The following ENPP1 variants were observed in gnomAD, a reference collection of about 807,000 sequenced individuals.
ENPP1 encodes ectonucleotide pyrophosphatase/phosphodiesterase 1.
A neutral mutation model predicts 122.8 loss-of-function variants in ENPP1; 73 were observed. The observed-to-expected ratio is 0.59, with a 90% CI of 0.49 to 0.72. The LOEUF is 0.72. Ranked by LOEUF, ENPP1 falls within the 30% of genes least tolerant of loss-of-function variation. The probability of loss-of-function intolerance (pLI) is 0.00; values close to 1 mark genes in which losing one functional copy is unlikely to be tolerated. For synonymous variants in ENPP1, 367 were observed against 391.6 expected (o/e 0.94, Z 0.74); for missense variants, 978 against 1,128.1 (o/e 0.87, Z 1.91).
chr6:131,810,767 A>G (rs1781340320), intron 1 of ENPP1, among the ~76,000 whole-genome samples: 1 of 152,302 alleles, frequency 6.6e-6, no homozygotes, highest in South Asian at 2.1e-4. Flanking sequence ...TGCAGTGGCA[A>G]TGTAATTTTT....
chr6:131,831,928 A>G (rs1581827), intron 1 of ENPP1, among the ~76,000 whole-genome samples: 2,443 of 152,168 alleles, frequency 0.016, 70 homozygotes, highest in African/African-American at 0.055. Context: ...TCTGAATTGG[A>G]AATTTGTTCT....
intron 1 of ENPP1, among the ~76,000 whole-genome samples, chr6:131,810,522 C>G (rs876507): frequency 0.013 from 1,703 of 131,370 alleles, 25 homozygotes; most frequent in African/African-American, 0.045. Context: ...TGACAATTGT[C>G]GTCAAAGAGC....
chr6:131,883,844 A>AC, intron 22 of ENPP1, 70 bp downstream of exon 22: 1 of 803,532 alleles, frequency 1.2e-6, no homozygotes, highest in Non-Finnish European at 2.2e-6. Flanking sequence ...ATTCATATGT[A>AC]ATAGGACTTA....
intron 5 of ENPP1, among the ~76,000 whole-genome samples, chr6:131,852,626 A>G (rs1382062748): frequency 6.6e-6 from 1 of 152,188 alleles, no homozygotes; most frequent in Non-Finnish European, 1.5e-5. Context: ...ATGATTATGG[A>G]GTTATCCCTA....
chr6:131,829,086 G>A (rs1300360488), intron 1 of ENPP1, among the ~76,000 whole-genome samples: 2 of 152,166 alleles, frequency 1.3e-5, no homozygotes, highest in East Asian at 3.9e-4. Flanking sequence ...ATCTGCATAG[G>A]CAAGATTCTT....
At chr6:131,820,933 T>C (rs1431618154) in intron 1 of ENPP1, among the ~76,000 whole-genome samples, 1 of 152,200 alleles carries the variant, frequency 6.6e-6, no homozygotes, top group African/African-American at 2.4e-5. Context: ...TATTAGAGTG[T>C]GTTAGGAGAA....
intron 14 of ENPP1, among the ~76,000 whole-genome samples, chr6:131,872,537 C>G (rs1367822688): frequency 6.6e-6 from 1 of 152,088 alleles, no homozygotes; most frequent in Non-Finnish European, 1.5e-5. Context: ...TGCAAGAAAA[C>G]TCTTACAATT....
At chr6:131,860,560 CA>C in intron 8 of ENPP1, 54 bp downstream of exon 8, 1 of 1,377,138 alleles carries the variant, frequency 7.3e-7, no homozygotes, top group Non-Finnish European at 1.0e-6. Flanking sequence ...CTATTTCAAT[CA>C]GAGTAAAATA....
chr6:131,845,163 G>A (rs566113837), intron 1 of ENPP1, among the ~76,000 whole-genome samples: 1 of 141,480 alleles, frequency 7.1e-6, no homozygotes, highest in Non-Finnish European at 1.5e-5. Context: ...CTCCCAAGTA[G>A]CTGGGATTAC....
At chr6:131,882,099 CA>C (rs1782318692) in intron 20 of ENPP1, among the ~76,000 whole-genome samples, 1 of 150,750 alleles carries the variant, frequency 6.6e-6, no homozygotes, top group Non-Finnish European at 1.5e-5. Flanking sequence ...AACATTATTT[CA>C]TATTAGCATA....
intron 1 of ENPP1, among the ~76,000 whole-genome samples, chr6:131,840,921 G>A (rs550382814): frequency 6.6e-6 from 1 of 152,264 alleles, no homozygotes; most frequent in African/African-American, 2.4e-5. Context: ...GAGATTGTGA[G>A]ATTTGTCCCT....
chr6:131,824,468 TG>T (rs1200762895), intron 1 of ENPP1, among the ~76,000 whole-genome samples: 1 of 92,722 alleles, frequency 1.1e-5, no homozygotes, highest in East Asian at 4.0e-4. Flanking sequence ...TTGTTGTTGT[TG>T]TTTGAGACGG....
Position 131,891,848 on chromosome 6 carries a change from ATTC to A in ENPP1, c.*1342_*1344del, listed in dbSNP as rs1301004454. 1 of 112,828 alleles carries A rather than the reference ATTC, an allele frequency of 8.9e-6. No individual in the cohort carries two copies. The highest frequency in any genetic ancestry group is 2.6e-4 in the East Asian group (1 of 3,822). 7.0% of individuals were successfully genotyped at this position (112,828 alleles called of 1,614,324 possible). A position where few individuals can be genotyped will look rare whatever the true frequency, so the allele number is the denominator to read the frequency against. On this transcript the variant is annotated 3_prime_UTR_variant, in exon 25 of 25. Coordinates refer to ENST00000647893, the MANE Select transcript of ENPP1 (RefSeq NM_006208.3). ...TCTGTTGTTCAGATTAGGTAATTTT[ATTC>A]TTCTGTCTCGAAGCTCACTGATTCT... is the stretch of plus-strand genomic sequence containing the variant.
intron 1 of ENPP1, among the ~76,000 whole-genome samples, chr6:131,846,727 G>C (rs1470905999): frequency 6.6e-6 from 1 of 152,038 alleles, no homozygotes; most frequent in Non-Finnish European, 1.5e-5. Context: ...GCGCATCATT[G>C]GTACTCAATT....
At chr6:131,808,786 C>G (rs892035870) in intron 1 of ENPP1, among the ~76,000 whole-genome samples, 1 of 152,156 alleles carries the variant, frequency 6.6e-6, no homozygotes, top group Non-Finnish European at 1.5e-5. Flanking sequence ...TTGGAATTTC[C>G]TTGCAGGTGC....
chr6:131,853,238 A>G (rs1713628355), intron 5 of ENPP1, among the ~76,000 whole-genome samples: 1 of 152,172 alleles, frequency 6.6e-6, no homozygotes, highest in African/African-American at 2.4e-5. Flanking sequence ...CTAAACCTCA[A>G]CCAAATAATT....
intron 1 of ENPP1, chr6:131,826,435 C>T: frequency 2.2e-6 from 2 of 917,360 alleles, no homozygotes; most frequent in South Asian, 1.5e-5. Flanking sequence ...AGATAATGCC[C>T]CAGTTTATCC....
intron 1 of ENPP1, among the ~76,000 whole-genome samples, chr6:131,819,425 A>G (rs1781456631): frequency 6.6e-6 from 1 of 152,210 alleles, no homozygotes; most frequent in Non-Finnish European, 1.5e-5. Context: ...TCAGAAGTTG[A>G]AAAGGTGACA....
chr6:131,876,801 A>G (rs909668923), intron 17 of ENPP1, among the ~76,000 whole-genome samples, 191 bp from the exon 18 acceptor site: 2 of 152,254 alleles, frequency 1.3e-5, no homozygotes, highest in Non-Finnish European at 2.9e-5. Flanking sequence ...TACAGCATAC[A>G]TATCAGTATT....
Sources: allele counts gnomAD v4.1 joint callset (sites outside exome capture counted in the v4.1 genomes callset), GRCh38; gene constraint gnomAD v4.1.1; transcripts MANE v1.5; gene names NCBI Gene and HGNC (gene_info 2026-07-23, HGNC 2026-07-21).